GRIP1: variants seen among roughly 807,000 people sequenced by gnomAD.
GRIP1 encodes glutamate receptor interacting protein 1.
Under a neutral mutation model 129.9 loss-of-function variants are expected in GRIP1, and 45 were observed. That is an observed-to-expected ratio of 0.35 (90% CI 0.27 to 0.44). The LOEUF (loss-of-function observed/expected upper bound fraction) is 0.44, where lower values mean the gene tolerates loss of function less well. Among genes scored for constraint, GRIP1 ranks in the 20% least tolerant of loss-of-function variants. GRIP1 has a pLI of 1.00. For synonymous variants in GRIP1, 530 were observed against 520.8 expected, an observed-to-expected ratio of 1.02 and a Z score of -0.24; for missense variants, 1,196 against 1,396.8, an observed-to-expected ratio of 0.86 and a Z score of 2.29.
At chr12:66,497,759 A>G (rs1418422698) in intron 7 of GRIP1, among the ~76,000 whole-genome samples, 1 of 152,116 alleles carries the variant, frequency 6.6e-6, no homozygotes, top group Non-Finnish European at 1.5e-5. Context: ...GACTGGAGAG[A>G]GTCAGGGAAC....
At chr12:67,027,915 A>G (rs541000113) in intron 1 of GRIP1, among the ~76,000 whole-genome samples, 33 of 152,302 alleles carry the variant, frequency 2.2e-4, no homozygotes, top group African/African-American at 7.5e-4. Context: ...TCTTGAAAAG[A>G]TCATTTAAGT....
At chr12:66,553,262 A>G (rs568565269) in intron 2 of GRIP1, among the ~76,000 whole-genome samples, 1 of 152,262 alleles carries the variant, frequency 6.6e-6, no homozygotes, top group Non-Finnish European at 1.5e-5. Flanking sequence ...ATCTTACCCA[A>G]GTATAACTAT....
intron 2 of GRIP1, among the ~76,000 whole-genome samples, chr12:66,595,318 A>T (rs528116597): frequency 1.3e-5 from 2 of 152,364 alleles, no homozygotes; most frequent in South Asian, 2.1e-4. Context: ...TAACTTAAAA[A>T]ACTACTTTAT....
intron 1 of GRIP1, among the ~76,000 whole-genome samples, chr12:66,882,299 G>GAAA (rs1255097267): frequency 6.6e-6 from 1 of 151,884 alleles, no homozygotes; most frequent in Non-Finnish European, 1.5e-5. Context: ...TTTTAAAAGG[G>GAAA]GACTTTGCCT....
At chr12:67,037,762 G>A (rs571734307) in intron 1 of GRIP1, among the ~76,000 whole-genome samples, 6 of 152,076 alleles carry the variant, frequency 3.9e-5, no homozygotes, top group South Asian at 2.1e-4. Context: ...ATTTGTTCTC[G>A]AGCAAAATGT....
intron 1 of GRIP1, among the ~76,000 whole-genome samples, chr12:66,699,105 C>T (rs184134135): frequency 1.1e-4 from 16 of 152,262 alleles, no homozygotes; most frequent in African/African-American, 3.8e-4. Flanking sequence ...AGCAGATACT[C>T]ATGACTAAAC....
chr12:66,520,536 A>C (rs2060969220), intron 5 of GRIP1, among the ~76,000 whole-genome samples: 1 of 152,196 alleles, frequency 6.6e-6, no homozygotes. Context: ...TGATGTCCAC[A>C]CAAATCTAGG....
intron 23 of GRIP1, among the ~76,000 whole-genome samples, chr12:66,361,845 T>C (rs1313266466): frequency 2.0e-5 from 3 of 152,162 alleles, no homozygotes; most frequent in African/African-American, 7.2e-5. Flanking sequence ...CTCAGGACCA[T>C]GTGGGCCTCC....
chr12:66,554,467 C>G (rs2062250626), intron 2 of GRIP1, among the ~76,000 whole-genome samples: 1 of 152,066 alleles, frequency 6.6e-6, no homozygotes, highest in Admixed American at 6.5e-5. Context: ...CTAGCATATT[C>G]CCAACTGTGG....
intron 1 of GRIP1, among the ~76,000 whole-genome samples, chr12:66,772,257 TC>T (rs1439394889): frequency 6.6e-6 from 1 of 152,210 alleles, no homozygotes; most frequent in Non-Finnish European, 1.5e-5. Context: ...CATCTGACTT[TC>T]AATAGAGAGC....
intron 1 of GRIP1, among the ~76,000 whole-genome samples, chr12:66,702,968 G>A (rs530648303): frequency 2.6e-5 from 4 of 152,274 alleles, no homozygotes; most frequent in South Asian, 2.1e-4. Flanking sequence ...CATATACACC[G>A]TACTGATGAC....
chr12:66,990,491 G>C (rs562373653), intron 1 of GRIP1, among the ~76,000 whole-genome samples: 1 of 152,326 alleles, frequency 6.6e-6, no homozygotes, highest in Admixed American at 6.5e-5. Flanking sequence ...AGAGAAAAGA[G>C]GGAAGAAGGA....
intron 5 of GRIP1, among the ~76,000 whole-genome samples, chr12:66,528,240 T>A (rs988040231): frequency 6.8e-5 from 10 of 147,792 alleles, no homozygotes; most frequent in Non-Finnish European, 1.2e-4. Context: ...GTTCACACCA[T>A]TCTCCTGCCT....
chr12:66,731,647 CAAGAA>C (rs2036441006), intron 1 of GRIP1, among the ~76,000 whole-genome samples: 1 of 151,948 alleles, frequency 6.6e-6, no homozygotes, highest in African/African-American at 2.4e-5. Context: ...CTATGGTAGA[CAAGAA>C]AAGAATTAGG....
chr12:66,556,641 T>TA (rs34360069), intron 2 of GRIP1, among the ~76,000 whole-genome samples: 153 of 147,624 alleles, frequency 1.0e-3, no homozygotes, highest in East Asian at 4.9e-3. Flanking sequence ...GATAAAACAT[T>TA]AAAAAAAAAA....
At chr12:66,911,938 T>G (rs911781269) in intron 1 of GRIP1, among the ~76,000 whole-genome samples, 2 of 152,202 alleles carry the variant, frequency 1.3e-5, no homozygotes, top group Admixed American at 1.3e-4. Context: ...ATCTCTGGTT[T>G]TCGCTGAATA....
intron 2 of GRIP1, among the ~76,000 whole-genome samples, chr12:66,590,569 T>C (rs1217253281): frequency 6.6e-6 from 1 of 152,074 alleles, no homozygotes; most frequent in Non-Finnish European, 1.5e-5. Flanking sequence ...TAGACTAGGG[T>C]TTTTCCTCAT....
chr12:66,764,754 G>A (rs2037577744), intron 1 of GRIP1, among the ~76,000 whole-genome samples: 1 of 151,984 alleles, frequency 6.6e-6, no homozygotes, highest in Non-Finnish European at 1.5e-5. Context: ...CAGCCATAAA[G>A]AATGTCACTT....
At chr12:66,795,272 A>G (rs1184530725) in intron 1 of GRIP1, among the ~76,000 whole-genome samples, 1 of 152,186 alleles carries the variant, frequency 6.6e-6, no homozygotes, top group East Asian at 1.9e-4. Context: ...CACATTCCAT[A>G]TTGCTTACAT....
Sources: gnomAD v4.1 joint callset for allele counts (sites outside exome capture counted in the v4.1 genomes callset) on GRCh38, gnomAD v4.1.1 for gene constraint, MANE v1.5 for transcripts, NCBI Gene and HGNC (gene_info 2026-07-23, HGNC 2026-07-21) for gene names.